Variants in MPP2 observed in about 807,000 individuals in gnomAD.
MPP2 encodes the protein MAGUK p55 subfamily member 2.
Under a neutral mutation model 58.5 loss-of-function variants are expected in MPP2, and 42 were observed. That is an observed-to-expected ratio of 0.72 (90% CI 0.56 to 0.93). The LOEUF (loss-of-function observed/expected upper bound fraction) is 0.93. MPP2 is among the 40% of genes least tolerant of loss of function. The probability of loss-of-function intolerance (pLI) is 0.00; values close to 1 mark genes in which losing one functional copy is unlikely to be tolerated. For synonymous variants in MPP2, 300 were observed against 307.8 expected (o/e 0.97, Z 0.26); for missense variants, 632 against 760.4 (o/e 0.83, Z 1.99).
At chr17:43,896,578 A>G (rs1281143748) in intron 3 of MPP2, among the ~76,000 whole-genome samples, 1 of 150,582 alleles carries the variant, frequency 6.6e-6, no homozygotes, top group Admixed American at 6.6e-5. Flanking sequence ...CTCTCTCACC[A>G]GCTCCCTTCA....
intron 3 of MPP2, among the ~76,000 whole-genome samples, chr17:43,892,934 A>G (rs935158627): frequency 1.3e-5 from 2 of 152,240 alleles, no homozygotes; most frequent in African/African-American, 4.8e-5. Flanking sequence ...GTTCACTGCC[A>G]TAACCCCAGC....
chr17:43,899,609 G>A (rs1424891589), intron 2 of MPP2, among the ~76,000 whole-genome samples: 1 of 152,186 alleles, frequency 6.6e-6, no homozygotes, highest in Non-Finnish European at 1.5e-5. Flanking sequence ...ATGATAGGAA[G>A]TCAAAGCTGA....
At chr17:43,903,402 TAAC>T (rs1207842614) in intron 2 of MPP2, among the ~76,000 whole-genome samples, 1 of 152,030 alleles carries the variant, frequency 6.6e-6, no homozygotes, top group Non-Finnish European at 1.5e-5. Context: ...AATGCCAAAA[TAAC>T]AACTCAGGCC....
At chr17:43,891,696 G>C (rs112362933) in intron 3 of MPP2, among the ~76,000 whole-genome samples, 3,310 of 151,922 alleles carry the variant, frequency 0.022, 85 homozygotes, top group African/African-American at 0.065. Context: ...AGGAGTTCAA[G>C]ACCAGCCTGG....
In MPP2 at chr17:43,901,408, G is replaced by A. The variant is rs1408339508; in HGVS notation, c.31+3022C>T. ...ACTCAGTTCCCCAGAAAGGAAAAAT[G>A]AGGGCACATTTGCACACAGGGAAAA... On this transcript the variant is annotated intron_variant, in intron 2 of 12. Transcript: ENST00000269095. The A allele has an allele frequency of 3.0e-6, 3 of 985,406 alleles. No individual in the cohort carries two copies. The African/African-American group carries it at 5.2e-5, about 17-fold the overall frequency. The allele number at this position is 985,406 out of a possible 1,614,324, so 61.0% of individuals were successfully genotyped here.
chr17:43,896,699 G>C (rs73304619), intron 3 of MPP2, among the ~76,000 whole-genome samples: 2 of 151,928 alleles, frequency 1.3e-5, no homozygotes, highest in African/African-American at 4.8e-5. Flanking sequence ...CTGGGAAATC[G>C]GGCACCTGAC....
At chr17:43,888,441 G>A (rs1196086375) in intron 3 of MPP2, among the ~76,000 whole-genome samples, 2 of 152,208 alleles carry the variant, frequency 1.3e-5, no homozygotes, top group African/African-American at 2.4e-5. Flanking sequence ...CAGAGTGAGG[G>A]AGGCGTCCCA....
intron 3 of MPP2, among the ~76,000 whole-genome samples, chr17:43,888,338 C>T (rs1460091871): frequency 6.6e-6 from 1 of 152,184 alleles, no homozygotes. Flanking sequence ...AGAGGAGTAG[C>T]ATTTGGGGAA....
intron 5 of MPP2, 103 bp from the exon 6 acceptor site, chr17:43,882,614 C>G: frequency 1.8e-6 from 2 of 1,084,266 alleles, no homozygotes; most frequent in East Asian, 2.6e-5. Context: ...ACCCACCCAC[C>G]CCCACCCTCA....
chr17:43,900,058 G>A (rs1052433304), intron 2 of MPP2, among the ~76,000 whole-genome samples: 1 of 152,192 alleles, frequency 6.6e-6, no homozygotes, highest in African/African-American at 2.4e-5. Context: ...GTGGGGAGGA[G>A]GGGGCACTGG....
intron 3 of MPP2, among the ~76,000 whole-genome samples, chr17:43,890,567 T>C (rs572269611): frequency 6.6e-5 from 10 of 152,290 alleles, no homozygotes; most frequent in African/African-American, 1.9e-4. Context: ...GAATTCCTAT[T>C]TGAAGCCCTG....
intron 3 of MPP2, among the ~76,000 whole-genome samples, chr17:43,890,360 G>A (rs1314093639): frequency 6.6e-6 from 1 of 152,142 alleles, no homozygotes; most frequent in Admixed American, 6.5e-5. Flanking sequence ...AGCAAAGCAG[G>A]GGCTCAAGCT....
At chr17:43,902,059 T>TA (rs1445748620) in intron 2 of MPP2, among the ~76,000 whole-genome samples, 2 of 152,196 alleles carry the variant, frequency 1.3e-5, no homozygotes, top group Admixed American at 6.5e-5. Context: ...CACCAGATAA[T>TA]AAGGGGCAGA....
At chr17:43,901,286 C>T (rs1480402181) in intron 2 of MPP2, 10 of 985,400 alleles carry the variant, frequency 1.0e-5, no homozygotes, top group Non-Finnish European at 1.2e-5. Context: ...CTGCTTACCC[C>T]TCGCCTCACA....
At chr17:43,893,896 G>A (rs1314740553) in intron 3 of MPP2, among the ~76,000 whole-genome samples, 1 of 152,098 alleles carries the variant, frequency 6.6e-6, no homozygotes, top group Non-Finnish European at 1.5e-5. Flanking sequence ...CTATACTTAG[G>A]TCGATAGCTG....
chr17:43,889,265 G>A (rs866899965), intron 3 of MPP2, among the ~76,000 whole-genome samples: 2 of 151,170 alleles, frequency 1.3e-5, no homozygotes, highest in Non-Finnish European at 2.9e-5. Flanking sequence ...GGATCTAAGA[G>A]AACCCACCAC....
At chr17:43,898,046 C>T (rs533376107) in intron 3 of MPP2, among the ~76,000 whole-genome samples, 14 of 152,350 alleles carry the variant, frequency 9.2e-5, no homozygotes. Flanking sequence ...CAACAAACAT[C>T]CACCCACGCA....
intron 3 of MPP2, among the ~76,000 whole-genome samples, chr17:43,896,919 C>A (rs889108179): frequency 6.6e-6 from 1 of 152,064 alleles, no homozygotes; most frequent in Non-Finnish European, 1.5e-5. Context: ...ATCCCCACCT[C>A]CCCCCCTCAG....
At chr17:43,902,556 G>A (rs2048137777) in intron 2 of MPP2, among the ~76,000 whole-genome samples, 1 of 152,222 alleles carries the variant, frequency 6.6e-6, no homozygotes, top group African/African-American at 2.4e-5. Flanking sequence ...TGCTGCAGAA[G>A]CTGGGGACAT....
Sources: allele counts gnomAD v4.1 joint callset (sites outside exome capture counted in the v4.1 genomes callset), GRCh38; gene constraint gnomAD v4.1.1; transcripts MANE v1.5; gene names NCBI Gene and HGNC (gene_info 2026-07-23, HGNC 2026-07-21).